CAMKMT: variants seen among roughly 807,000 people sequenced by gnomAD.
CAMKMT encodes CaM KMT.
CAMKMT carries 53 observed loss-of-function variants against 48.0 expected under a neutral mutation model. The observed-to-expected ratio is 1.10, with a 90% CI of 0.89 to 1.39. The LOEUF is 1.39. Ranked by LOEUF, CAMKMT falls within the 40% of genes most tolerant of loss-of-function variation. The probability of loss-of-function intolerance (pLI) is 0.00; values close to 1 mark genes in which losing one functional copy is unlikely to be tolerated. For missense variants in CAMKMT, 428 were observed against 402.7 expected, an observed-to-expected ratio of 1.06 and a Z score of -0.54; for synonymous variants, 165 against 152.3, an observed-to-expected ratio of 1.08 and a Z score of -0.61.
intron 3 of CAMKMT, among the ~76,000 whole-genome samples, chr2:44,663,899 AATAAG>A (rs1353468997): frequency 6.6e-6 from 1 of 152,152 alleles, no homozygotes; most frequent in Admixed American, 6.5e-5. Flanking sequence ...GGGGAAGATA[AATAAG>A]ATAAATAAAA....
chr2:44,499,762 A>G (rs868059455), intron 3 of CAMKMT, among the ~76,000 whole-genome samples: 1 of 152,334 alleles, frequency 6.6e-6, no homozygotes. Context: ...TTGTAGAACC[A>G]TGAAAATTTT....
chr2:44,629,833 T>G (rs1001945110), intron 3 of CAMKMT, among the ~76,000 whole-genome samples: 4 of 152,114 alleles, frequency 2.6e-5, no homozygotes, highest in South Asian at 2.1e-4. Flanking sequence ...AGGTAATTTA[T>G]AGATTCAATG....
At chr2:44,703,129 T>C (rs1026140756) in intron 3 of CAMKMT, among the ~76,000 whole-genome samples, 1 of 152,138 alleles carries the variant, frequency 6.6e-6, no homozygotes, top group African/African-American at 2.4e-5. Flanking sequence ...GAAAACATAA[T>C]TTTTATAAGG....
At chr2:44,768,361 A>ATATATAT (rs35058824) in intron 10 of CAMKMT, among the ~76,000 whole-genome samples, 7 of 115,728 alleles carry the variant, frequency 6.0e-5, no homozygotes, top group African/African-American at 1.9e-4. Context: ...ATATATATAT[A>ATATATAT]TTTTTTTTTT....
chr2:44,737,744 C>CTCTCTCTCTT (rs1558827404), intron 7 of CAMKMT, among the ~76,000 whole-genome samples: 1 of 151,910 alleles, frequency 6.6e-6, no homozygotes, highest in Non-Finnish European at 1.5e-5. Flanking sequence ...AGAGTTCTCT[C>CTCTCTCTCTT]TCTCTCTCTT....
chr2:44,390,362 T>C, intron 3 of CAMKMT, 57 bp downstream of exon 3: 1 of 1,248,102 alleles, frequency 8.0e-7, no homozygotes, highest in South Asian at 1.3e-5. Flanking sequence ...AGTGAATTTA[T>C]AGTTGATGTT....
intron 3 of CAMKMT, chr2:44,549,822 T>C: frequency 2.5e-6 from 1 of 405,084 alleles, no homozygotes; most frequent in East Asian, 3.7e-5. Context: ...TCTTCAACTG[T>C]GGCCATACAT....
chr2:44,542,528 CA>C (rs1667181139), intron 3 of CAMKMT, among the ~76,000 whole-genome samples: 3 of 94,564 alleles, frequency 3.2e-5, no homozygotes, highest in Non-Finnish European at 8.2e-5. Flanking sequence ...CACACACACA[CA>C]CACACACACT....
chr2:44,500,793 T>G (rs1471632642), intron 3 of CAMKMT, among the ~76,000 whole-genome samples: 2 of 151,690 alleles, frequency 1.3e-5, no homozygotes, highest in Non-Finnish European at 2.9e-5. Context: ...ACGATTCTCC[T>G]GCCTCAGCCT....
At chr2:44,581,171 T>C (rs1385960506) in intron 3 of CAMKMT, among the ~76,000 whole-genome samples, 1 of 152,152 alleles carries the variant, frequency 6.6e-6, no homozygotes, top group African/African-American at 2.4e-5. Flanking sequence ...TTTCAAAGAT[T>C]ACCTTTTCTG....
At chr2:44,392,632 T>G (rs1681458139) in intron 3 of CAMKMT, among the ~76,000 whole-genome samples, 1 of 152,168 alleles carries the variant, frequency 6.6e-6, no homozygotes, top group South Asian at 2.1e-4. Context: ...TTTTACCATG[T>G]AGACATATAA....
chr2:44,593,170 G>A (rs1252302489), intron 3 of CAMKMT, among the ~76,000 whole-genome samples: 1 of 152,166 alleles, frequency 6.6e-6, no homozygotes, highest in African/African-American at 2.4e-5. Context: ...CCACACCACT[G>A]AGGCAAAACT....
chr2:44,452,545 A>G (rs555365258), intron 3 of CAMKMT, among the ~76,000 whole-genome samples: 5 of 152,074 alleles, frequency 3.3e-5, no homozygotes, highest in Middle Eastern at 3.4e-3. Context: ...AAATATTACT[A>G]TTGTTTCTTC....
chr2:44,546,768 G>A, intron 3 of CAMKMT, among the ~76,000 whole-genome samples: 1 of 152,222 alleles, frequency 6.6e-6, no homozygotes, highest in South Asian at 2.1e-4. Context: ...GTGACAGAGA[G>A]CACTTAAAAT....
In CAMKMT at chr2:44,657,629, G is replaced by A. The variant is rs987709806; in HGVS notation, c.377-46654G>A. Among the ~76,000 whole-genome samples, 3 of 152,180 alleles carry A rather than the reference G, an allele frequency of 2.0e-5. No individual in the cohort carries two copies. The highest frequency in any genetic ancestry group is 2.1e-4 in the South Asian group (1 of 4,822). Reference sequence around the variant, plus strand: ...TGACTACAAGTGTTCCTGGGGCCACGTCTGAAAGCAGCTTATCACTTCACT... The same window carrying A: ...TGACTACAAGTGTTCCTGGGGCCACATCTGAAAGCAGCTTATCACTTCACT... On this transcript the variant is annotated intron_variant, in intron 3 of 10. Coordinates refer to ENST00000378494, the MANE Select transcript of CAMKMT (RefSeq NM_024766.5). The surrounding 1 kb of genome is among the most constrained non-coding windows in gnomAD (Gnocchi z 4.3).
At chr2:44,403,120 T>C (rs1300375727) in intron 3 of CAMKMT, among the ~76,000 whole-genome samples, 3 of 152,160 alleles carry the variant, frequency 2.0e-5, no homozygotes, top group Admixed American at 2.0e-4. Flanking sequence ...GTTGGGTTGA[T>C]TCTTAGGGAA....
At chr2:44,627,081 A>G (rs568194113) in intron 3 of CAMKMT, among the ~76,000 whole-genome samples, 1 of 152,298 alleles carries the variant, frequency 6.6e-6, no homozygotes, top group African/African-American at 2.4e-5. Context: ...TCATAAATGT[A>G]TGTTAAATTT....
At chr2:44,652,285 T>C (rs1476044993) in intron 3 of CAMKMT, among the ~76,000 whole-genome samples, 5 of 152,196 alleles carry the variant, frequency 3.3e-5, no homozygotes, top group Admixed American at 2.6e-4. Context: ...TGTGTTCTTA[T>C]AAAGAGGACT....
chr2:44,485,439 G>C (rs1669167171), intron 3 of CAMKMT, among the ~76,000 whole-genome samples: 2 of 152,172 alleles, frequency 1.3e-5, no homozygotes, highest in African/African-American at 2.4e-5. Context: ...AAAGATGACA[G>C]ACTCAAAATA....
Sources: allele counts gnomAD v4.1 joint callset (sites outside exome capture counted in the v4.1 genomes callset), GRCh38; gene constraint gnomAD v4.1.1; non-coding constraint Gnocchi (gnomAD v3.1); transcripts MANE v1.5; gene names NCBI Gene and HGNC (gene_info 2026-07-23, HGNC 2026-07-21).